GOLGA3: variants seen among roughly 807,000 people sequenced by gnomAD.
GOLGA3 encodes golgin subfamily A member 3.
GOLGA3 carries 75 observed loss-of-function variants against 169.4 expected under a neutral mutation model. That is an observed-to-expected ratio of 0.44 (90% CI 0.37 to 0.54). GOLGA3 has a LOEUF of 0.54. Ranked by LOEUF, GOLGA3 falls within the 20% of genes least tolerant of loss-of-function variation. The pLI is 0.00. For missense variants in GOLGA3, 1,899 were observed against 1,930.0 expected (o/e 0.98, Z 0.30); for synonymous variants, 824 against 822.4 (o/e 1.00, Z -0.03).
chr12:132,792,855 C>T (rs112457390), intron 11 of GOLGA3, among the ~76,000 whole-genome samples: 21 of 114,928 alleles, frequency 1.8e-4, no homozygotes, highest in Non-Finnish European at 2.7e-4. Context: ...CCACACGGGA[C>T]CTGCACTCGG....
intron 4 of GOLGA3, among the ~76,000 whole-genome samples, chr12:132,811,051 CT>C (rs1473396403): frequency 3.3e-5 from 5 of 152,254 alleles, no homozygotes; most frequent in South Asian, 2.1e-4. Flanking sequence ...GGAGGGCCCC[CT>C]GTCCAGTGGG....
intron 11 of GOLGA3, 35 bp downstream of exon 11, chr12:132,795,817 T>A: frequency 6.3e-7 from 1 of 1,587,714 alleles, no homozygotes; most frequent in Non-Finnish European, 8.6e-7. Context: ...CAAGGAGGGT[T>A]CTGATTCAAA....
chr12:132,805,090 G>C, intron 6 of GOLGA3, 68 bp from the exon 7 acceptor site: 2 of 1,515,156 alleles, frequency 1.3e-6, no homozygotes, highest in Non-Finnish European at 1.8e-6. Flanking sequence ...GTATTAACAG[G>C]AACACAACCA....
rs556940558 is a variant in GOLGA3 at position 132,770,876 on chromosome 12, C to T, written c.*2229G>A. 6.6e-6 allele frequency: 1 copy of T among 152,220 alleles called. No homozygotes were observed. The highest frequency in any genetic ancestry group is 6.5e-5 in the Admixed American group (1 of 15,276). 9.4% of individuals were successfully genotyped at this position (152,220 alleles called of 1,614,324 possible). On this transcript the variant is annotated 3_prime_UTR_variant, in exon 24 of 24. Transcript: ENST00000450791. ...TCTGGACCTCTTGACCTCAGGTGAT[C>T]CACCCGCCTCGGCCTCCCAAAGTGC...
intron 15 of GOLGA3, among the ~76,000 whole-genome samples, chr12:132,785,170 T>C (rs2045831248): frequency 6.6e-6 from 1 of 152,210 alleles, no homozygotes; most frequent in Non-Finnish European, 1.5e-5. Flanking sequence ...ATTCCTCAGC[T>C]GCAACAGCGT....
At chr12:132,782,887 AAAAAAG>A (rs1276720438) in intron 16 of GOLGA3, among the ~76,000 whole-genome samples, 1 of 151,806 alleles carries the variant, frequency 6.6e-6, no homozygotes, top group Non-Finnish European at 1.5e-5. Flanking sequence ...AAAAAAAAAA[AAAAAAG>A]AAAAAGAAAA....
At chr12:132,812,064 T>TTTA (rs1182918820) in intron 4 of GOLGA3, among the ~76,000 whole-genome samples, 1 of 149,800 alleles carries the variant, frequency 6.7e-6, no homozygotes, top group Non-Finnish European at 1.5e-5. Context: ...GGCACGTGCT[T>TTTA]TTAATCCCAG....
intron 13 of GOLGA3, among the ~76,000 whole-genome samples, chr12:132,787,264 T>C (rs920411133): frequency 3.9e-5 from 6 of 152,068 alleles, no homozygotes; most frequent in African/African-American, 1.4e-4. Context: ...AAACCACTCA[T>C]TACTGAGACC....
chr12:132,792,610 C>A (rs540322642), intron 11 of GOLGA3, among the ~76,000 whole-genome samples: 1 of 151,142 alleles, frequency 6.6e-6, no homozygotes, highest in South Asian at 2.1e-4. Context: ...ACCCACCCCA[C>A]GGGACCTGCA....
Position 132,773,243 on chromosome 12 carries a change from C to T in GOLGA3, c.4359G>A (p.Val1453=). ...GCGTCCACGAGGACAGAGACTCGTG[C>T]ACCGTCAGGGCGTGCTCCTCCATCT... ...QRQMEEHALT[V]HESLSSWTPL... Residue 1453 remains valine (V), a synonymous_variant, in exon 24 of 24, where the codon GTG becomes GTA. Coordinates refer to ENST00000450791, the MANE Select transcript of GOLGA3 (RefSeq NM_001389683.1). The T allele has an allele frequency of 1.9e-6, 3 of 1,546,202 alleles. No individual in the cohort carries two copies. Among genetic ancestry groups the T allele is most frequent in the Admixed American group, 1.9e-5 (1 of 53,098 alleles).
chr12:132,779,527 G>A (rs1239083775), intron 18 of GOLGA3, among the ~76,000 whole-genome samples: 1 of 152,226 alleles, frequency 6.6e-6, no homozygotes, highest in Non-Finnish European at 1.5e-5. Context: ...TCATAGGAAC[G>A]AAAGCAGCTT....
Position 132,821,568 on chromosome 12 carries a change from G to A in GOLGA3, c.133+428C>T, listed in dbSNP as rs1426395863. 2.6e-5 allele frequency among the ~76,000 whole-genome samples: 4 copies of A among 151,156 alleles called. No homozygotes were observed. In the South Asian group the frequency reaches 8.4e-4, roughly 32 times the overall value. On this transcript the variant is annotated intron_variant, in intron 2 of 23. Transcript: ENST00000450791. ...TCATTCAGTTACTAAAACATACTTT[G>A]GGCCGGGCACAGTGGCTCACACCTG...
rs200891382 is a variant in GOLGA3, at chr12:132,786,675, G to A, written c.2906+18C>T. 907 of 896,018 alleles carry A rather than the reference G, an allele frequency of 1.0e-3. 4 individuals are homozygous for A. In the African/African-American group the frequency reaches 0.023, roughly 23 times the overall value. The allele number at this position is 896,018 out of a possible 1,614,324, so 55.5% of individuals were successfully genotyped here. On this transcript the variant is annotated intron_variant, in intron 14 of 23. Transcript: ENST00000450791. ...CCCACCTGGCCCCCGCACCTCCCCC[G>A]GGCACATGCAGACTTACTTCCGGGC...
At chr12:132,811,775 TA>T in intron 4 of GOLGA3, 1 of 792,792 alleles carries the variant, frequency 1.3e-6, no homozygotes, top group Non-Finnish European at 1.5e-6. Context: ...TTAAAGTATT[TA>T]AAAACATAAC....
Position 132,774,241 on chromosome 12 carries a change from G to A in GOLGA3, c.4223C>T (p.Ser1408Leu), listed in dbSNP as rs748898480. ...TGGTCTCAGCAGCTCCTCCAGCAGC[G>A]AGGCGGGAACTGGGCAGTCCGGGAT... ...IKIPDCPVPA[S>L]LLEELLRPPP... Residue 1408 changes from serine to leucine, a missense_variant, in exon 23 of 24, where the codon TCG becomes TTG. Coordinates refer to ENST00000450791, the MANE Select transcript of GOLGA3 (RefSeq NM_001389683.1). 9 of 1,612,352 alleles carry A rather than the reference G, an allele frequency of 5.6e-6. No individual in the cohort carries two copies. Among genetic ancestry groups the A allele is most frequent in the South Asian group, 2.2e-5 (2 of 91,088 alleles).
At chr12:132,813,626 G>A (rs932411580) in intron 3 of GOLGA3, among the ~76,000 whole-genome samples, 8 of 152,228 alleles carry the variant, frequency 5.3e-5, no homozygotes, top group Admixed American at 3.3e-4. Flanking sequence ...TACCTCACAG[G>A]AGACACAGTG....
At chr12:132,786,008 G>A (rs750764587) in intron 15 of GOLGA3, among the ~76,000 whole-genome samples, 4 of 152,218 alleles carry the variant, frequency 2.6e-5, no homozygotes, top group African/African-American at 4.8e-5. Flanking sequence ...GCGAGGAGGC[G>A]CAGAGGCAGC....
chr12:132,808,195 C>A lies in GOLGA3; in HGVS notation c.874G>T (p.Asp292Tyr). ...GTGTTCTCCAGACGGTCGTCAGTGT[C>A]GGGGGACAGGCTGATCTCAGACACA... ...SVVSEISLSP[D>Y]TDDRLENTSL... The change falls in exon 5 of 24, where the codon GAC becomes TAC. Residue 292 changes from aspartate to tyrosine, a missense_variant. By Grantham distance (160) the Asp-to-Tyr change is radical (BLOSUM62 -3). Coordinates refer to ENST00000450791, the MANE Select transcript of GOLGA3 (RefSeq NM_001389683.1). The A allele has an allele frequency of 6.2e-7, 1 of 1,613,498 alleles. No individual in the cohort carries two copies. The highest frequency in any genetic ancestry group is 1.3e-5 in the African/African-American group (1 of 75,004).
At position 132,808,004 on chromosome 12, in the gene GOLGA3, C is replaced by G. The variant is rs1408766355; in HGVS notation, c.1065G>C (p.Leu355=). The part of the protein sequence containing the change: ...VNGQEIPADT[L]GQFPSIKDVL... The stretch of plus-strand genomic sequence containing the variant: ...CGTCCTTAATGGAGGGGAACTGGCC[C>G]AGGGTATCCGCAGGAATCTCCTGGC... Residue 355 remains leucine, a synonymous_variant, in exon 5 of 24, where the codon CTG becomes CTC. Coordinates refer to ENST00000450791, the MANE Select transcript of GOLGA3 (RefSeq NM_001389683.1). 2.5e-6 allele frequency: 4 copies of G among 1,612,440 alleles called. No individual in the cohort carries two copies. Among genetic ancestry groups the G allele is most frequent in the Non-Finnish European group, 3.4e-6 (4 of 1,179,204 alleles).
Sources: allele counts gnomAD v4.1 joint callset (sites outside exome capture counted in the v4.1 genomes callset), GRCh38; gene constraint gnomAD v4.1.1; transcripts MANE v1.5; gene names NCBI Gene and HGNC (gene_info 2026-07-23, HGNC 2026-07-21).